GPATCH2: variants seen among roughly 807,000 people sequenced by gnomAD.
GPATCH2 encodes the protein G-patch domain containing 2.
A neutral mutation model predicts 58.0 loss-of-function variants in GPATCH2; 51 were observed. The ratio of observed to expected loss-of-function variants is 0.88; its 90% CI spans 0.70 to 1.11. GPATCH2 has a LOEUF of 1.11. Ranked by LOEUF, GPATCH2 falls within the 50% of genes most tolerant of loss-of-function variation. The pLI is 0.00. For missense variants in GPATCH2, 625 were observed against 652.2 expected, an observed-to-expected ratio of 0.96 and a Z score of 0.45; for synonymous variants, 222 against 218.5, an observed-to-expected ratio of 1.02 and a Z score of -0.14.
chr1:217,603,230 C>T (rs1473319821), intron 5 of GPATCH2, among the ~76,000 whole-genome samples: 1 of 151,992 alleles, frequency 6.6e-6, no homozygotes, highest in Non-Finnish European at 1.5e-5. Context: ...AATTCGAAGA[C>T]TAAGTTATCA....
intron 8 of GPATCH2, among the ~76,000 whole-genome samples, chr1:217,476,699 G>C (rs2102510848): frequency 6.6e-6 from 1 of 152,168 alleles, no homozygotes. Context: ...CTAGCCAGAG[G>C]GGAATCACCA....
At chr1:217,542,387 A>G (rs1664791961) in intron 5 of GPATCH2, among the ~76,000 whole-genome samples, 1 of 152,218 alleles carries the variant, frequency 6.6e-6, no homozygotes, top group Non-Finnish European at 1.5e-5. Flanking sequence ...TAGTTGGCTC[A>G]GGGATGTGGA....
At chr1:217,541,249 A>G (rs928258134) in intron 5 of GPATCH2, among the ~76,000 whole-genome samples, 1 of 152,190 alleles carries the variant, frequency 6.6e-6, no homozygotes, top group African/African-American at 2.4e-5. Flanking sequence ...AATTCTGTCA[A>G]TTTCTTCAAA....
chr1:217,535,738 A>G (rs1396926468), intron 5 of GPATCH2, among the ~76,000 whole-genome samples: 2 of 152,176 alleles, frequency 1.3e-5, no homozygotes, highest in African/African-American at 4.8e-5. Flanking sequence ...TACCTAGAAT[A>G]TTTGTTGAAT....
chr1:217,608,531 A>G, intron 5 of GPATCH2: 1 of 985,022 alleles, frequency 1.0e-6, no homozygotes, highest in Non-Finnish European at 1.2e-6. Flanking sequence ...CCACAGTGAG[A>G]TTGCAATAAG....
chr1:217,449,274 T>G lies in GPATCH2; in HGVS notation c.1341A>C (p.Ala447=). 3.7e-6 allele frequency: 6 copies of G among 1,606,256 alleles called. No individual in the cohort carries two copies. Among genetic ancestry groups the G allele is most frequent in the Non-Finnish European group, 5.1e-6 (6 of 1,172,790 alleles). The change falls in exon 9 of 10, where the codon GCA becomes GCC. Residue 447 remains alanine, a synonymous_variant. Transcript: ENST00000366935. Reference sequence around the variant, plus strand: ...CTGCAGTAGTAGGTCCAGGCAAAGGTGCAGCTTTTCTTCTCCGTTTGATAT... The same window carrying G: ...CTGCAGTAGTAGGTCCAGGCAAAGGGGCAGCTTTTCTTCTCCGTTTGATAT... ...TGDIKRRRKA[A]PLPGPTTAGF...
chr1:217,463,327 T>C lies in GPATCH2; in HGVS notation c.1278-13990A>G, dbSNP rs74907401. The stretch of plus-strand genomic sequence containing the variant: ...CACTTTATATCTTTTTCATGCGTCT[T>C]AAAATCTACCGTAGAGATGGTATAG... On this transcript the variant is annotated intron_variant, in intron 8 of 9. Coordinates refer to ENST00000366935, the MANE Select transcript of GPATCH2 (RefSeq NM_018040.5). Among the ~76,000 whole-genome samples, 25 of 152,250 alleles carry C rather than the reference T, an allele frequency of 1.6e-4. No homozygotes were observed. The East Asian group carries it at 4.3e-3, about 26-fold the overall frequency.
Position 217,489,888 on chromosome 1 carries a change from G to A in GPATCH2, c.1277+1792C>T, listed in dbSNP as rs147754021. ...AAATAAAAAAGAATTGAGAAACTCC[G>A]TCTCAAATTAAAGAAATTTTTTTTA... On this transcript the variant is annotated intron_variant, in intron 8 of 9. Coordinates refer to ENST00000366935, the MANE Select transcript of GPATCH2 (RefSeq NM_018040.5). Among the ~76,000 whole-genome samples, 351 of 152,136 alleles carry A rather than the reference G, an allele frequency of 2.3e-3. 3 individuals carry two copies. The highest frequency in any genetic ancestry group is 7.6e-3 in the African/African-American group (316 of 41,508).
Position 217,620,046 on chromosome 1 carries a change from A to T in GPATCH2, c.510T>A (p.Asp170Glu). The T allele has an allele frequency of 1.2e-6, 2 of 1,613,930 alleles. No homozygotes were observed. Among genetic ancestry groups the T allele is most frequent in the Non-Finnish European group, 1.7e-6 (2 of 1,179,990 alleles). Residue 170 changes from aspartate to glutamate, a missense_variant, in exon 2 of 10, where the codon GAT becomes GAA. Asp to Glu is a conservative substitution (Grantham distance 45, BLOSUM62 2). Coordinates refer to ENST00000366935, the MANE Select transcript of GPATCH2 (RefSeq NM_018040.5). Reference sequence around the variant, plus strand: ...GTTTGTTAGAGATGTCCTGTGGGAGATCTACTGCCATGCGTTTTACCTTTC... The same window carrying T: ...GTTTGTTAGAGATGTCCTGTGGGAGTTCTACTGCCATGCGTTTTACCTTTC... ...RRRKVKRMAV[D>E]LPQDISNKRT...
intron 5 of GPATCH2, among the ~76,000 whole-genome samples, chr1:217,550,014 C>A (rs1665270035): frequency 6.6e-6 from 1 of 152,100 alleles, no homozygotes; most frequent in Admixed American, 6.5e-5. Flanking sequence ...GTCTATTCAC[C>A]ATTTTTAGTT....
intron 5 of GPATCH2, among the ~76,000 whole-genome samples, chr1:217,525,624 G>A (rs183711163): frequency 6.6e-6 from 1 of 152,146 alleles, no homozygotes; most frequent in East Asian, 1.9e-4. Context: ...TAAAAGATAA[G>A]ACTTAAAAGA....
chr1:217,550,240 A>G (rs2102666653), intron 5 of GPATCH2, among the ~76,000 whole-genome samples: 1 of 152,190 alleles, frequency 6.6e-6, no homozygotes. Context: ...TAATTTTTAT[A>G]GGGCATGATG....
At chr1:217,567,645 T>C (rs1228633527) in intron 5 of GPATCH2, among the ~76,000 whole-genome samples, 1 of 152,246 alleles carries the variant, frequency 6.6e-6, no homozygotes, top group Non-Finnish European at 1.5e-5. Context: ...GTAAGAGTTA[T>C]CTAGACACCG....
At chr1:217,606,596 C>T (rs1181234740) in intron 5 of GPATCH2, among the ~76,000 whole-genome samples, 1 of 151,926 alleles carries the variant, frequency 6.6e-6, no homozygotes, top group African/African-American at 2.4e-5. Context: ...TAAAAATTAG[C>T]CAGACATGTT....
intron 5 of GPATCH2, among the ~76,000 whole-genome samples, chr1:217,572,950 T>TTTGTACC (rs1463030367): frequency 6.6e-6 from 1 of 152,196 alleles, no homozygotes; most frequent in East Asian, 1.9e-4. Context: ...AAATGTAATT[T>TTTGTACC]TTGTACCTAC....
At chr1:217,514,566 A>G (rs1663026612) in intron 6 of GPATCH2, among the ~76,000 whole-genome samples, 1 of 152,244 alleles carries the variant, frequency 6.6e-6, no homozygotes, top group Non-Finnish European at 1.5e-5. Flanking sequence ...AATTTTTAAG[A>G]CAATACATAA....
At chr1:217,471,875 TATA>T (rs1475583214) in intron 8 of GPATCH2, among the ~76,000 whole-genome samples, 1 of 152,098 alleles carries the variant, frequency 6.6e-6, no homozygotes, top group Non-Finnish European at 1.5e-5. Context: ...AAGTGAAAAA[TATA>T]ATGTGTTTAG....
At chr1:217,557,306 C>T (rs915069166) in intron 5 of GPATCH2, among the ~76,000 whole-genome samples, 1 of 150,244 alleles carries the variant, frequency 6.7e-6, no homozygotes, top group African/African-American at 2.5e-5. Flanking sequence ...ATTCAGGTAG[C>T]TTGGGCAGGA....
intron 5 of GPATCH2, among the ~76,000 whole-genome samples, chr1:217,582,334 T>G (rs1378810019): frequency 6.6e-6 from 1 of 152,122 alleles, no homozygotes; most frequent in East Asian, 1.9e-4. Context: ...TTATAATTCC[T>G]AGTATTTTAA....
Sources: gnomAD v4.1 joint callset for allele counts (sites outside exome capture counted in the v4.1 genomes callset) on GRCh38, gnomAD v4.1.1 for gene constraint, MANE v1.5 for transcripts, NCBI Gene and HGNC (gene_info 2026-07-23, HGNC 2026-07-21) for gene names.